Variants in IL21R observed in about 807,000 individuals in gnomAD.
IL21R encodes interleukin-21 receptor.
IL21R carries 14 observed loss-of-function variants against 41.3 expected under a neutral mutation model. The observed-to-expected ratio is 0.34, with a 90% CI of 0.22 to 0.53. IL21R has a LOEUF of 0.53. IL21R is among the 20% of genes least tolerant of loss of function. IL21R has a pLI of 0.94. For synonymous variants in IL21R, 286 were observed against 287.6 expected (o/e 0.99, Z 0.05); for missense variants, 588 against 681.6 (o/e 0.86, Z 1.53).
intron 1 of IL21R, among the ~76,000 whole-genome samples, chr16:27,425,559 G>GT (rs369434227): frequency 3.2e-4 from 48 of 149,526 alleles, no homozygotes; most frequent in Non-Finnish European, 4.5e-4. Context: ...GTTTTGTTTT[G>GT]TTTTTTTTTG....
At chr16:27,439,003 G>T (rs1312793772) in intron 4 of IL21R, among the ~76,000 whole-genome samples, 1 of 152,064 alleles carries the variant, frequency 6.6e-6, no homozygotes, top group African/African-American at 2.4e-5. Flanking sequence ...GCTGCAAAGG[G>T]AGCCTGCCCT....
intron 3 of IL21R, 65 bp from the exon 4 acceptor site, chr16:27,437,423 C>G: frequency 1.5e-6 from 2 of 1,347,974 alleles, no homozygotes; most frequent in Non-Finnish European, 2.1e-6. Flanking sequence ...GCCCTGAGCA[C>G]TGAGCCCACC....
chr16:27,418,543 G>T (rs916525087), intron 1 of IL21R, among the ~76,000 whole-genome samples: 5 of 150,612 alleles, frequency 3.3e-5, no homozygotes, highest in East Asian at 4.0e-4. Flanking sequence ...TAATTTTTTT[G>T]GTATTTTTAG....
Position 27,448,844 on chromosome 16 carries a change from G to C in IL21R, c.1178G>C (p.Ser393Thr), listed in dbSNP as rs375328425. The C allele has an allele frequency of 1.2e-5, 20 of 1,613,218 alleles. No homozygotes were observed. The African/African-American group carries it at 2.7e-4, about 21-fold the overall frequency. Residue 393 changes from serine (S) to threonine (T), a missense_variant, in exon 9 of 9, where the codon AGC becomes ACC. Physicochemically the swap from Ser to Thr is moderately conservative, Grantham distance 58. Coordinates refer to ENST00000337929, the MANE Select transcript of IL21R (RefSeq NM_181078.3). Reference sequence around the variant, plus strand: ...GAGGGGCCATGCACCTGGCCCTGCAGCTGTGAGGATGACGGCTACCCAGCC... The same window carrying C: ...GAGGGGCCATGCACCTGGCCCTGCACCTGTGAGGATGACGGCTACCCAGCC... ...DAEGPCTWPC[S>T]CEDDGYPALD...
At chr16:27,410,801 C>G (rs1000307611) in intron 1 of IL21R, among the ~76,000 whole-genome samples, 1 of 152,168 alleles carries the variant, frequency 6.6e-6, no homozygotes, top group Admixed American at 6.5e-5. Context: ...AAACTCTATA[C>G]CCATTGAAAA....
In IL21R at chr16:27,449,628, G is replaced by A. The variant is rs574966814; in HGVS notation, c.*345G>A. The A allele has an allele frequency of 1.2e-5, 4 of 324,238 alleles. No individual in the cohort carries two copies. In the Admixed American group the frequency reaches 1.3e-4, roughly 11 times the overall value. 20.1% of individuals were successfully genotyped at this position (324,238 alleles called of 1,614,324 possible). On this transcript the variant is annotated 3_prime_UTR_variant, in exon 9 of 9. Coordinates refer to ENST00000337929, the MANE Select transcript of IL21R (RefSeq NM_181078.3). The stretch of plus-strand genomic sequence containing the variant: ...ATGTGCACAAGTGTGCACAGTAAAC[G>A]TGTTTGTGGTCAACAGATGACAACA...
intron 1 of IL21R, among the ~76,000 whole-genome samples, chr16:27,423,844 A>T (rs1420961991): frequency 6.6e-6 from 1 of 152,242 alleles, no homozygotes. Context: ...ACCAGTTTAC[A>T]TAAGAGTGAA....
intron 5 of IL21R, 63 bp downstream of exon 5, chr16:27,443,179 G>T (rs2087420759): frequency 7.7e-6 from 11 of 1,434,544 alleles, no homozygotes; most frequent in African/African-American, 1.4e-5. Context: ...GAGTGCAAAG[G>T]CATCTGGGTG....
At chr16:27,434,674 G>A (rs755927226) in intron 3 of IL21R, among the ~76,000 whole-genome samples, 8 of 152,116 alleles carry the variant, frequency 5.3e-5, no homozygotes, top group African/African-American at 9.7e-5. Flanking sequence ...TTGAGACCCC[G>A]GGATGGCTGG....
chr16:27,417,497 AT>A (rs935596168), intron 1 of IL21R, among the ~76,000 whole-genome samples: 3 of 152,078 alleles, frequency 2.0e-5, no homozygotes, highest in African/African-American at 7.2e-5. Context: ...TAGGTGTGAA[AT>A]TTCTTGGTCA....
At chr16:27,419,804 C>A in intron 1 of IL21R, among the ~76,000 whole-genome samples, 1 of 147,242 alleles carries the variant, frequency 6.8e-6, no homozygotes, top group East Asian at 2.0e-4. Context: ...AATACATACA[C>A]CAGTAACATA....
At chr16:27,441,678 G>A (rs552864210) in intron 4 of IL21R, among the ~76,000 whole-genome samples, 47 of 152,318 alleles carry the variant, frequency 3.1e-4, no homozygotes, top group African/African-American at 9.1e-4. Context: ...TTGCCAGCAC[G>A]TTGCTGAGAA....
intron 1 of IL21R, among the ~76,000 whole-genome samples, chr16:27,422,356 C>T (rs1213970122): frequency 1.3e-5 from 2 of 152,104 alleles, no homozygotes; most frequent in Non-Finnish European, 2.9e-5. Context: ...TTTAAGATCA[C>T]TGCTATTTCT....
At chr16:27,435,375 C>T (rs3093332) in intron 3 of IL21R, among the ~76,000 whole-genome samples, 75 of 152,254 alleles carry the variant, frequency 4.9e-4, no homozygotes, top group African/African-American at 1.7e-3. Context: ...TGACGTACCA[C>T]GGTGGGGCGG....
Position 27,449,515 on chromosome 16 carries a change from T to A in IL21R, c.*232T>A, listed in dbSNP as rs550364520. ...GTGGCATGTCCACGTGTGTGTGTGA[T>A]TGCACGTGCCTGTGGGCCTGGGATA... On this transcript the variant is annotated 3_prime_UTR_variant, in exon 9 of 9. Transcript: ENST00000337929. 8.7e-5 allele frequency: 49 copies of A among 564,388 alleles called. No homozygotes were observed. Among genetic ancestry groups the A allele is most frequent in the Non-Finnish European group, 1.4e-4 (44 of 320,608 alleles). 35.0% of individuals were successfully genotyped at this position (564,388 alleles called of 1,614,324 possible).
At chr16:27,443,401 A>G (rs2087424991) in intron 5 of IL21R, among the ~76,000 whole-genome samples, 1 of 152,196 alleles carries the variant, frequency 6.6e-6, no homozygotes, top group African/African-American at 2.4e-5. Context: ...GCATAGTCAC[A>G]ATAGAAGAAG....
intron 1 of IL21R, among the ~76,000 whole-genome samples, chr16:27,403,436 G>A (rs2086691942): frequency 1.3e-5 from 2 of 150,684 alleles, no homozygotes; most frequent in South Asian, 4.2e-4. Flanking sequence ...GCTGCGAGGA[G>A]GACATCTGTG....
rs1330483673 is a variant in IL21R, at chr16:27,439,454, TCA to T, written c.352+1772_352+1773del. Reference sequence around the variant, plus strand: ...TACATGGGCACACACACGCACACACTCACACATGCATTCTCACACACGTGTAG... The same window carrying T: ...TACATGGGCACACACACGCACACACTCACATGCATTCTCACACACGTGTAG... On this transcript the variant is annotated intron_variant, in intron 4 of 8. Transcript: ENST00000337929. Among the ~76,000 whole-genome samples, 9 of 150,460 alleles carry T rather than the reference TCA, an allele frequency of 6.0e-5. No homozygotes were observed. In the East Asian group the frequency reaches 1.2e-3, roughly 20 times the overall value.
chr16:27,446,501 G>A (rs2087481475), intron 8 of IL21R, among the ~76,000 whole-genome samples: 1 of 152,054 alleles, frequency 6.6e-6, no homozygotes, highest in Non-Finnish European at 1.5e-5. Flanking sequence ...AACTCGGGAG[G>A]CTGAGGCAGG....
Sources: allele counts gnomAD v4.1 joint callset (sites outside exome capture counted in the v4.1 genomes callset), GRCh38; gene constraint gnomAD v4.1.1; transcripts MANE v1.5; gene names NCBI Gene and HGNC (gene_info 2026-07-23, HGNC 2026-07-21).